ATP8B4: variants seen among roughly 807,000 people sequenced by gnomAD.
The protein encoded by ATP8B4 is probable phospholipid-transporting ATPase IM.
A neutral mutation model predicts 145.6 loss-of-function variants in ATP8B4; 133 were observed. The ratio of observed to expected loss-of-function variants is 0.91; its 90% CI spans 0.79 to 1.05. ATP8B4 has a LOEUF of 1.05. Ranked by LOEUF, ATP8B4 falls within the 50% of genes least tolerant of loss-of-function variation. The pLI is 0.00. For synonymous variants in ATP8B4, 507 were observed against 492.9 expected, an observed-to-expected ratio of 1.03 and a Z score of -0.38; for missense variants, 1,458 against 1,425.2, an observed-to-expected ratio of 1.02 and a Z score of -0.37.
At chr15:49,989,774 A>G (rs2046908029) in intron 9 of ATP8B4, among the ~76,000 whole-genome samples, 1 of 152,190 alleles carries the variant, frequency 6.6e-6, no homozygotes. Flanking sequence ...TTTTATCATC[A>G]GAAGTGCTCG....
At chr15:50,087,555 A>C (rs1326139743) in intron 2 of ATP8B4, among the ~76,000 whole-genome samples, 2 of 151,274 alleles carry the variant, frequency 1.3e-5, no homozygotes, top group Non-Finnish European at 3.0e-5. Context: ...TAATAAACAT[A>C]TTTTTCTTTT....
At chr15:50,143,398 G>A (rs1170297076) in intron 1 of ATP8B4, among the ~76,000 whole-genome samples, 2 of 152,220 alleles carry the variant, frequency 1.3e-5, no homozygotes, top group Non-Finnish European at 1.5e-5. Flanking sequence ...TGACTGTTGA[G>A]TAAAGACCTC....
intron 6 of ATP8B4, among the ~76,000 whole-genome samples, chr15:50,036,719 C>T (rs1375039489): frequency 6.6e-6 from 1 of 152,158 alleles, no homozygotes; most frequent in Non-Finnish European, 1.5e-5. Context: ...CTGTGGTAGG[C>T]TCAAGGGACA....
intron 1 of ATP8B4, among the ~76,000 whole-genome samples, chr15:50,125,132 C>G (rs1218884357): frequency 2.0e-5 from 3 of 152,126 alleles, no homozygotes; most frequent in African/African-American, 7.2e-5. Flanking sequence ...AGAAGTCCTT[C>G]CAACAATCAG....
intron 7 of ATP8B4, among the ~76,000 whole-genome samples, chr15:50,007,091 A>AACAAGGGAGTTACCT (rs57711795): frequency 6.6e-6 from 1 of 151,896 alleles, no homozygotes; most frequent in African/African-American, 2.4e-5. Context: ...ACAAATGCAG[A>AACAAGGGAGTTACCT]ACATAAAAAA....
At chr15:50,031,306 T>G (rs1316598484) in intron 6 of ATP8B4, among the ~76,000 whole-genome samples, 1 of 152,164 alleles carries the variant, frequency 6.6e-6, no homozygotes, top group African/African-American at 2.4e-5. Context: ...AGACCCTAAA[T>G]ACCTTTCCCC....
At chr15:50,160,390 C>T (rs1431642350) in intron 1 of ATP8B4, among the ~76,000 whole-genome samples, 1 of 151,398 alleles carries the variant, frequency 6.6e-6, no homozygotes, top group Non-Finnish European at 1.5e-5. Context: ...TATTTTTGGT[C>T]TGATCTTTAT....
At chr15:50,162,116 C>T (rs1412451721) in intron 1 of ATP8B4, among the ~76,000 whole-genome samples, 1 of 152,122 alleles carries the variant, frequency 6.6e-6, no homozygotes, top group Non-Finnish European at 1.5e-5. Context: ...AAAGTTTCCA[C>T]TGAAAAGTCT....
At chr15:49,978,210 AT>A (rs1424125289) in intron 12 of ATP8B4, among the ~76,000 whole-genome samples, 1 of 152,214 alleles carries the variant, frequency 6.6e-6, no homozygotes, top group African/African-American at 2.4e-5. Flanking sequence ...TTTATTATTC[AT>A]TTAGGACATA....
At chr15:50,129,156 C>A (rs2057327570) in intron 1 of ATP8B4, among the ~76,000 whole-genome samples, 1 of 152,170 alleles carries the variant, frequency 6.6e-6, no homozygotes, top group Admixed American at 6.5e-5. Flanking sequence ...CCCCAGCTAC[C>A]TCATGTCCAT....
In ATP8B4 at chr15:50,066,173, T is replaced by C. The variant is rs553413041; in HGVS notation, c.87+7954A>G. Among the ~76,000 whole-genome samples, 554 of 152,132 alleles carry C rather than the reference T, an allele frequency of 3.6e-3. 1 individual carries two copies. Among genetic ancestry groups the C allele is most frequent in the African/African-American group, 0.013 (524 of 41,528 alleles). On this transcript the variant is annotated intron_variant, in intron 3 of 27. Transcript: ENST00000284509. Reference sequence around the variant, plus strand: ...AGAAAGAAAATGAATTTGAGAGATATCCAAAAAATATATTTTCTCCTACAA... The same window carrying C: ...AGAAAGAAAATGAATTTGAGAGATACCCAAAAAATATATTTTCTCCTACAA...
intron 16 of ATP8B4, among the ~76,000 whole-genome samples, chr15:49,924,427 C>T (rs2040529336): frequency 6.6e-6 from 1 of 152,146 alleles, no homozygotes; most frequent in Non-Finnish European, 1.5e-5. Flanking sequence ...CCCTCATAGG[C>T]TTCATCAGTT....
intron 1 of ATP8B4, among the ~76,000 whole-genome samples, chr15:50,168,056 G>A (rs1282851674): frequency 6.6e-6 from 1 of 152,008 alleles, no homozygotes; most frequent in Non-Finnish European, 1.5e-5. Flanking sequence ...AAAAGCTGAA[G>A]TAGAAGACAT....
At chr15:50,148,823 T>G (rs1352217572) in intron 1 of ATP8B4, among the ~76,000 whole-genome samples, 1 of 152,192 alleles carries the variant, frequency 6.6e-6, no homozygotes, top group East Asian at 1.9e-4. Context: ...TGTATCGACT[T>G]CAAGTTTCCC....
chr15:49,914,529 C>G (rs975948229), intron 20 of ATP8B4, among the ~76,000 whole-genome samples: 1 of 152,002 alleles, frequency 6.6e-6, no homozygotes. Flanking sequence ...AATCAACAGA[C>G]TGAAGAGACA....
intron 20 of ATP8B4, chr15:49,901,762 C>T: frequency 2.5e-6 from 1 of 399,842 alleles, no homozygotes; most frequent in Non-Finnish European, 4.8e-6. Context: ...AAAAATTTAA[C>T]AAGAAGAAAA....
At chr15:49,999,670 A>G (rs2047729935) in intron 8 of ATP8B4, among the ~76,000 whole-genome samples, 1 of 152,196 alleles carries the variant, frequency 6.6e-6, no homozygotes, top group South Asian at 2.1e-4. Context: ...AAGAAACAAT[A>G]CCAAAAGATG....
chr15:49,874,672 T>C (rs2034133632), intron 25 of ATP8B4, among the ~76,000 whole-genome samples: 3 of 152,132 alleles, frequency 2.0e-5, no homozygotes, highest in Admixed American at 2.0e-4. Context: ...CTTATAAAAC[T>C]TGGATAATCA....
chr15:50,149,468 T>A (rs1043234641), intron 1 of ATP8B4, among the ~76,000 whole-genome samples: 3 of 152,158 alleles, frequency 2.0e-5, no homozygotes, highest in African/African-American at 7.2e-5. Flanking sequence ...GTATGTGCAC[T>A]AAGCCTTGAA....
Sources: gnomAD v4.1 joint callset for allele counts (sites outside exome capture counted in the v4.1 genomes callset) on GRCh38, gnomAD v4.1.1 for gene constraint, MANE v1.5 for transcripts, NCBI Gene and HGNC (gene_info 2026-07-23, HGNC 2026-07-21) for gene names.